Variants in GRIN2A observed in about 807,000 individuals in gnomAD.
The protein encoded by GRIN2A is glutamate receptor ionotropic, NMDA 2A.
A neutral mutation model predicts 113.4 loss-of-function variants in GRIN2A; 22 were observed. The ratio of observed to expected loss-of-function variants is 0.19; its 90% CI spans 0.14 to 0.28. The LOEUF (loss-of-function observed/expected upper bound fraction) is 0.28. Ranked by LOEUF, GRIN2A falls within the 10% of genes least tolerant of loss-of-function variation. The pLI, the probability that GRIN2A is intolerant of heterozygous loss-of-function variation, is 1.00. For missense variants in GRIN2A, 1,502 were observed against 1,887.0 expected, an observed-to-expected ratio of 0.80 and a Z score of 3.78; for synonymous variants, 827 against 738.4, an observed-to-expected ratio of 1.12 and a Z score of -1.94.
chr16:9,804,606 G>C (rs577095494), intron 10 of GRIN2A, among the ~76,000 whole-genome samples: 58 of 152,106 alleles, frequency 3.8e-4, no homozygotes, highest in African/African-American at 8.9e-4. Flanking sequence ...TGACACACTG[G>C]GGTCCATGCC....
At chr16:9,865,722 C>G (rs555124246) in intron 4 of GRIN2A, among the ~76,000 whole-genome samples, 87 of 152,300 alleles carry the variant, frequency 5.7e-4, no homozygotes, top group African/African-American at 1.9e-3. Flanking sequence ...ATAAACTGTT[C>G]TCACACTGGT....
chr16:9,938,710 A>C (rs888985010), intron 2 of GRIN2A, among the ~76,000 whole-genome samples, 159 bp from the exon 3 acceptor site: 19 of 152,202 alleles, frequency 1.2e-4, no homozygotes, highest in African/African-American at 3.6e-4. Flanking sequence ...CAGATCCTGC[A>C]AATACAGAGA....
At chr16:9,914,559 G>T (rs1407001879) in intron 3 of GRIN2A, among the ~76,000 whole-genome samples, 2 of 152,186 alleles carry the variant, frequency 1.3e-5, no homozygotes, top group Admixed American at 1.3e-4. Flanking sequence ...CAATGCACAA[G>T]TTCTGAAACT....
Position 9,763,382 on chromosome 16 carries a change from T to C in GRIN2A, c.4162A>G (p.Lys1388Glu), listed in dbSNP as rs1490443176. The C allele has an allele frequency of 6.2e-7, 1 of 1,614,132 alleles. No individual in the cohort carries two copies. The highest frequency in any genetic ancestry group is 8.5e-7 in the Non-Finnish European group (1 of 1,180,018). ...ACCGCCTGGGATGGCAACGAGTGTTTGTAAGGGTCCGAGGGGCATCTCCCA... is the reference window on the plus strand; with the variant it reads ...ACCGCCTGGGATGGCAACGAGTGTTCGTAAGGGTCCGAGGGGCATCTCCCA... Reference protein sequence around the residue: ...VIGRCPSDPYKHSLPSQAVND... With the variant: ...VIGRCPSDPYEHSLPSQAVND... Residue 1388 changes from lysine (K) to glutamate (E), a missense_variant, in exon 13 of 13, where the codon AAA (lysine) becomes GAA (glutamate). Physicochemically the swap from Lys to Glu is moderately conservative, Grantham distance 56 (BLOSUM62 1). Transcript: ENST00000330684.
intron 10 of GRIN2A, among the ~76,000 whole-genome samples, chr16:9,807,828 T>C (rs2042012466): frequency 6.6e-6 from 1 of 152,174 alleles, no homozygotes; most frequent in Admixed American, 6.5e-5. Flanking sequence ...TGGGAAAGTC[T>C]AAATATTTCT....
At chr16:9,925,688 C>A (rs567271943) in intron 3 of GRIN2A, among the ~76,000 whole-genome samples, 1 of 152,246 alleles carries the variant, frequency 6.6e-6, no homozygotes, top group East Asian at 1.9e-4. Flanking sequence ...TATTCAGGGT[C>A]TTAAAAACAA....
intron 7 of GRIN2A, among the ~76,000 whole-genome samples, chr16:9,835,677 T>G (rs144028322): frequency 1.3e-5 from 2 of 152,306 alleles, no homozygotes; most frequent in African/African-American, 2.4e-5. Context: ...AAACATATTA[T>G]TATTTTAAAA....
intron 2 of GRIN2A, among the ~76,000 whole-genome samples, chr16:10,060,394 G>C (rs777668777): frequency 5.9e-5 from 9 of 152,154 alleles, no homozygotes; most frequent in Non-Finnish European, 1.3e-4. Context: ...CTATCTTATA[G>C]ATAAGAAAAT....
At chr16:9,883,226 G>A (rs1488086809) in intron 4 of GRIN2A, among the ~76,000 whole-genome samples, 2 of 152,144 alleles carry the variant, frequency 1.3e-5, no homozygotes, top group Non-Finnish European at 2.9e-5. Context: ...ATAGTTATTG[G>A]TACAGAGTAG....
intron 2 of GRIN2A, among the ~76,000 whole-genome samples, chr16:10,054,786 G>A (rs1284591863): frequency 1.3e-5 from 2 of 151,902 alleles, no homozygotes; most frequent in Non-Finnish European, 2.9e-5. Context: ...AGTGGCTTAC[G>A]CCTGTAAGCC....
chr16:9,942,530 G>T (rs1012204167), intron 2 of GRIN2A, among the ~76,000 whole-genome samples: 1 of 152,116 alleles, frequency 6.6e-6, no homozygotes, highest in African/African-American at 2.4e-5. Flanking sequence ...ATCTGTCCAC[G>T]CCTGACTTTG....
chr16:9,787,900 G>A (rs1182675468), intron 11 of GRIN2A, among the ~76,000 whole-genome samples: 1 of 152,134 alleles, frequency 6.6e-6, no homozygotes, highest in Non-Finnish European at 1.5e-5. Context: ...GTCATCTGAG[G>A]ACACAGGGAC....
intron 2 of GRIN2A, among the ~76,000 whole-genome samples, chr16:10,113,357 C>A (rs1020466359): frequency 7.9e-5 from 12 of 152,168 alleles, no homozygotes; most frequent in Non-Finnish European, 1.0e-4. Context: ...GAGGTCTCTG[C>A]CCCCTTCCCC....
At chr16:9,818,519 A>G (rs929879220) in intron 10 of GRIN2A, among the ~76,000 whole-genome samples, 5 of 152,138 alleles carry the variant, frequency 3.3e-5, no homozygotes, top group Admixed American at 2.6e-4. Flanking sequence ...TCAAAAGACT[A>G]AAAAAGAAAT....
chr16:9,853,054 A>C (rs1235435389), intron 4 of GRIN2A, among the ~76,000 whole-genome samples: 1 of 152,234 alleles, frequency 6.6e-6, no homozygotes, highest in Admixed American at 6.5e-5. Flanking sequence ...GAGAGCATAT[A>C]GGAGAAAAGA....
At chr16:9,828,775 G>T (rs1428552364) in intron 9 of GRIN2A, among the ~76,000 whole-genome samples, 2 of 152,100 alleles carry the variant, frequency 1.3e-5, no homozygotes, top group African/African-American at 2.4e-5. Context: ...GATGTGGGAA[G>T]TACAGCCCTA....
intron 2 of GRIN2A, among the ~76,000 whole-genome samples, chr16:10,088,701 G>C (rs553724265): frequency 2.0e-5 from 3 of 152,194 alleles, no homozygotes; most frequent in African/African-American, 7.2e-5. Flanking sequence ...TGTGTTGTGC[G>C]AAGCCAGCAT....
intron 4 of GRIN2A, among the ~76,000 whole-genome samples, chr16:9,885,836 G>A (rs1244233169): frequency 6.6e-6 from 1 of 152,224 alleles, no homozygotes; most frequent in Non-Finnish European, 1.5e-5. Context: ...TCCCCTGAGT[G>A]CCAAGAGGAT....
chr16:10,111,514 A>G (rs2048613629), intron 2 of GRIN2A: 3 of 722,954 alleles, frequency 4.1e-6, no homozygotes, highest in Admixed American at 1.8e-5. Context: ...CATAGATTTC[A>G]TAGCTGATGA....
Sources: allele counts gnomAD v4.1 joint callset (sites outside exome capture counted in the v4.1 genomes callset), GRCh38; gene constraint gnomAD v4.1.1; transcripts MANE v1.5; gene names NCBI Gene and HGNC (gene_info 2026-07-23, HGNC 2026-07-21).